FAM78A: variants seen among roughly 807,000 people sequenced by gnomAD.
The protein encoded by FAM78A is family with sequence similarity 78 member A, also known as protein FAM78A.
A neutral mutation model predicts 22.6 loss-of-function variants in FAM78A; 12 were observed. The ratio of observed to expected loss-of-function variants is 0.53; its 90% confidence interval spans 0.34 to 0.86. The LOEUF (loss-of-function observed/expected upper bound fraction) is 0.86, where lower values mean the gene tolerates loss of function less well. FAM78A is among the 40% of genes least tolerant of loss of function. FAM78A has a pLI of 0.02. For synonymous variants in FAM78A, 151 were observed against 155.8 expected (o/e 0.97, Z 0.23); for missense variants, 322 against 396.1 (o/e 0.81, Z 1.59).
chr9:131,268,008 C>T (rs1301295364), intron 1 of FAM78A, among the ~76,000 whole-genome samples: 4 of 146,008 alleles, frequency 2.7e-5, no homozygotes, highest in African/African-American at 7.7e-5. Context: ...GCCGAGATGG[C>T]GCCACTGCAC....
upstream of FAM78A, among the ~76,000 whole-genome samples, chr9:131,279,729 G>A (rs1835524380): frequency 1.3e-5 from 2 of 152,222 alleles, no homozygotes; most frequent in South Asian, 4.1e-4. Context: ...GCCTGGGTTT[G>A]TAAAGCACCC....
At chr9:131,266,553 G>C (rs1245215125) in intron 1 of FAM78A, among the ~76,000 whole-genome samples, 1 of 151,290 alleles carries the variant, frequency 6.6e-6, no homozygotes, top group African/African-American at 2.4e-5. Flanking sequence ...CTCTCTCATA[G>C]CTGCTCATCA....
At chr9:131,271,971 C>T (rs1200123702) in intron 1 of FAM78A, among the ~76,000 whole-genome samples, 1 of 151,944 alleles carries the variant, frequency 6.6e-6, no homozygotes, top group Admixed American at 6.6e-5. Context: ...CACAGAGAAA[C>T]TCACTCTTTT....
In FAM78A at chr9:131,260,985, C is replaced by T. The variant is rs143378086; in HGVS notation, c.689G>A (p.Arg230Gln). The change falls in exon 2 of 2, where the codon CGG becomes CAG. Residue 230 changes from arginine to glutamine, a missense_variant. Coordinates refer to ENST00000372271, the MANE Select transcript of FAM78A (RefSeq NM_033387.4). This position sits in a 1 kb window ranked among gnomAD's most constrained non-coding sequence, Gnocchi z 5.4. The stretch of plus-strand genomic sequence containing the variant: ...GTCCTGGGCGATGGGCTCCCGCAGC[C>T]GGGCGCGCTGGCCCAGGGGCCGGTT... The part of the protein sequence containing the change: ...NPNRPLGQRA[R>Q]LREPIAQDQP... 192 of 1,613,300 alleles carry T rather than the reference C, an allele frequency of 1.2e-4. No homozygotes were observed. The highest frequency in any genetic ancestry group is 1.3e-4 in the Non-Finnish European group (153 of 1,179,684).
At chr9:131,268,276 C>G (rs986855831) in intron 1 of FAM78A, among the ~76,000 whole-genome samples, 2 of 152,112 alleles carry the variant, frequency 1.3e-5, no homozygotes, top group Non-Finnish European at 2.9e-5. Context: ...TGCCCAAGAG[C>G]CCCCATTCCA....
Position 131,260,715 on chromosome 9 carries a change from A to G in FAM78A, c.*107T>C, listed in dbSNP as rs2131145220. On this transcript the variant is annotated 3_prime_UTR_variant, in exon 2 of 2. Transcript: ENST00000372271. This position sits in a 1 kb window ranked among gnomAD's most constrained non-coding sequence, Gnocchi z 5.4. ...CAGCACAGTGAGATCCGCCCGCTGGAGAGGGTAGAATGGTTGTATCTTGCT... is the reference window on the plus strand; with the variant it reads ...CAGCACAGTGAGATCCGCCCGCTGGGGAGGGTAGAATGGTTGTATCTTGCT... 1 of 1,376,536 alleles carries G rather than the reference A, an allele frequency of 7.3e-7. No individual in the cohort carries two copies. Among genetic ancestry groups the G allele is most frequent in the East Asian group, 2.4e-5 (1 of 41,510 alleles). The allele number at this position is 1,376,536 out of a possible 1,614,324, so 85.3% of individuals were successfully genotyped here.
At chr9:131,266,464 G>GTCATCCTCGTCCTCATCC (rs1835346688) in intron 1 of FAM78A, among the ~76,000 whole-genome samples, 1 of 151,732 alleles carries the variant, frequency 6.6e-6, no homozygotes, top group African/African-American at 2.4e-5. Context: ...CGGGAGCAGC[G>GTCATCCTCGTCCTCATCC]TCATCCTCGT....
rs147014132 is a variant in FAM78A, at chr9:131,270,902, G to T, written c.323+4955C>A. On this transcript the variant is annotated intron_variant, in intron 1 of 1. Coordinates refer to ENST00000372271, the MANE Select transcript of FAM78A (RefSeq NM_033387.4). The stretch of plus-strand genomic sequence containing the variant: ...TGGGGAGGACGCTGGGAGACGGCAG[G>T]TGGGAAGGCGCCCGAGGCAGCCATT... 7.2e-4 allele frequency among the ~76,000 whole-genome samples: 110 copies of T among 152,286 alleles called. No homozygotes were observed. The East Asian group carries it at 0.02, about 27-fold the overall frequency.
In FAM78A at chr9:131,275,829, C is replaced by T. The variant is rs767948518; in HGVS notation, c.323+28G>A. The T allele has an allele frequency of 6.5e-7, 1 of 1,550,274 alleles. No individual in the cohort carries two copies. The highest frequency in any genetic ancestry group is 2.3e-5 in the East Asian group (1 of 44,282). On this transcript the variant is annotated intron_variant, in intron 1 of 1. Coordinates refer to ENST00000372271, the MANE Select transcript of FAM78A (RefSeq NM_033387.4). The surrounding 1 kb of genome is among the most constrained non-coding windows in gnomAD (Gnocchi z 4.6). Reference sequence around the variant, plus strand: ...CCAAGCTCGGCCATCCCTAGCAGTTCCCAGAGCTGGCTCTCGGCCGTACTC... The same window carrying T: ...CCAAGCTCGGCCATCCCTAGCAGTTTCCAGAGCTGGCTCTCGGCCGTACTC...
At chr9:131,271,032 G>A (rs72619322) in intron 1 of FAM78A, among the ~76,000 whole-genome samples, 3,665 of 138,258 alleles carry the variant, frequency 0.027, 126 homozygotes, top group East Asian at 0.19. Context: ...TTGAGATGTG[G>A]TCTCACTCTG....
chr9:131,278,483 C>T (rs1835512168), upstream of FAM78A, among the ~76,000 whole-genome samples: 1 of 152,136 alleles, frequency 6.6e-6, no homozygotes, highest in African/African-American at 2.4e-5. Context: ...TCCCCTCGAG[C>T]AGGTCTGCTG....
At chr9:131,264,308 A>G (rs1835313078) in intron 1 of FAM78A, 1 of 438,624 alleles carries the variant, frequency 2.3e-6, no homozygotes, top group African/African-American at 2.0e-5. Context: ...TGGCTCAGGC[A>G]AAGACAGGTG....
intron 1 of FAM78A, among the ~76,000 whole-genome samples, chr9:131,262,467 C>T (rs1835285661): frequency 6.8e-6 from 1 of 146,030 alleles, no homozygotes; most frequent in African/African-American, 2.6e-5. Flanking sequence ...CAGAGTGAGA[C>T]TCTGTCTGCA....
chr9:131,270,964 C>A (rs541544931), intron 1 of FAM78A, among the ~76,000 whole-genome samples: 2 of 149,996 alleles, frequency 1.3e-5, no homozygotes, highest in African/African-American at 2.5e-5. Flanking sequence ...TGGCACCCAG[C>A]GGTCCCTCCA....
In FAM78A at chr9:131,260,804, A is replaced by C; in HGVS notation, c.*18T>G. Reference sequence around the variant, plus strand: ...GTATTATTATTTGTGAGTCTAACCTAGCGGGTGGTCCTGGCTGTCACCGGT... The same window carrying C: ...GTATTATTATTTGTGAGTCTAACCTCGCGGGTGGTCCTGGCTGTCACCGGT... On this transcript the variant is annotated 3_prime_UTR_variant, in exon 2 of 2. Coordinates refer to ENST00000372271, the MANE Select transcript of FAM78A (RefSeq NM_033387.4). The surrounding 1 kb of genome is among the most constrained non-coding windows in gnomAD (Gnocchi z 5.4). 1 of 1,513,390 alleles carries C rather than the reference A, an allele frequency of 6.6e-7. No individual in the cohort carries two copies. The highest frequency in any genetic ancestry group is 1.8e-4 in the Middle Eastern group (1 of 5,562). 93.7% of individuals were successfully genotyped at this position (1,513,390 alleles called of 1,614,324 possible). A position where few individuals can be genotyped will look rare whatever the true frequency, so the allele number is the denominator to read the frequency against.
Position 131,260,777 on chromosome 9 carries a change from C to T in FAM78A, c.*45G>A, listed in dbSNP as rs112435421. ...GAGTGAGTCTGAGTTTTGTTTTCAG[C>T]GGTATTATTATTTGTGAGTCTAACC... On this transcript the variant is annotated 3_prime_UTR_variant, in exon 2 of 2. Transcript: ENST00000372271. The surrounding 1 kb of genome is among the most constrained non-coding windows in gnomAD (Gnocchi z 5.4). The T allele has an allele frequency of 0.014, 21,253 of 1,499,218 alleles. 206 individuals carry two copies. The highest frequency in any genetic ancestry group is 0.037 in the Middle Eastern group (191 of 5,180). 92.9% of individuals were successfully genotyped at this position (1,499,218 alleles called of 1,614,324 possible).
At chr9:131,278,125 C>G (rs1029320344), upstream of FAM78A, among the ~76,000 whole-genome samples, 1 of 151,316 alleles carries the variant, frequency 6.6e-6, no homozygotes, top group Non-Finnish European at 1.5e-5. Flanking sequence ...GCACACAGCC[C>G]GCCCTCCCCC....
chr9:131,271,347 A>G (rs1441246890), intron 1 of FAM78A, among the ~76,000 whole-genome samples: 2 of 152,194 alleles, frequency 1.3e-5, no homozygotes, highest in Non-Finnish European at 2.9e-5. Context: ...TCCGACAGGC[A>G]TCGCATAATG....
chr9:131,277,867 C>A (rs1267175226), upstream of FAM78A, among the ~76,000 whole-genome samples: 1 of 151,308 alleles, frequency 6.6e-6, no homozygotes, highest in Non-Finnish European at 1.5e-5. This position sits in a 1 kb window ranked among gnomAD's most constrained non-coding sequence, Gnocchi z 8.4. Flanking sequence ...TGGCGCGCCC[C>A]GCGCTGCCTC....
Sources: allele counts gnomAD v4.1 joint callset (sites outside exome capture counted in the v4.1 genomes callset), GRCh38; gene constraint gnomAD v4.1.1; non-coding constraint Gnocchi (gnomAD v3.1); transcripts MANE v1.5; gene names NCBI Gene and HGNC (gene_info 2026-07-23, HGNC 2026-07-21).